The following NDUFAF5 variants were observed in gnomAD, a reference collection of about 807,000 sequenced individuals.
The protein encoded by NDUFAF5 is arginine-hydroxylase NDUFAF5, mitochondrial.
A neutral mutation model predicts 48.9 loss-of-function variants in NDUFAF5; 34 were observed. The ratio of observed to expected loss-of-function variants is 0.70; its 90% CI spans 0.53 to 0.93. The LOEUF (loss-of-function observed/expected upper bound fraction) is 0.93. Ranked by LOEUF, NDUFAF5 falls within the 40% of genes least tolerant of loss-of-function variation. NDUFAF5 has a pLI of 0.00. For missense variants in NDUFAF5, 428 were observed against 427.5 expected (o/e 1.00, Z -0.01); for synonymous variants, 153 against 150.6 (o/e 1.02, Z -0.12).
chr20:13,788,910 A>G (rs1469611022), intron 3 of NDUFAF5, among the ~76,000 whole-genome samples: 1 of 152,052 alleles, frequency 6.6e-6, no homozygotes, highest in African/African-American at 2.4e-5. Context: ...TAGAAGATAT[A>G]TTTCTCTTTG....
At position 13,785,286 on chromosome 20, in the gene NDUFAF5, A is replaced by T; in HGVS notation, c.218A>T (p.Glu73Val). 1 of 1,523,478 alleles carries T rather than the reference A, an allele frequency of 6.6e-7. No individual in the cohort carries two copies. The highest frequency in any genetic ancestry group is 9.0e-7 in the Non-Finnish European group (1 of 1,105,640). 94.4% of individuals were successfully genotyped at this position (1,523,478 alleles called of 1,614,324 possible). A position where few individuals can be genotyped will look rare whatever the true frequency, so the allele number is the denominator to read the frequency against. ...CCGACCAAATTTGACTACCTGAAGG[A>T]GGAGGTGAGCCCGCGGGGCGGCGGG... ...PEPTKFDYLK[E>V]EVGSRIADRV... Residue 73 changes from glutamate (E) to valine (V), a missense_variant, in exon 1 of 11, where the codon GAG (glutamate) becomes GTG (valine). Transcript: ENST00000378106.
intron 7 of NDUFAF5, among the ~76,000 whole-genome samples, chr20:13,804,488 C>T (rs1984705022): frequency 6.6e-6 from 1 of 151,512 alleles, no homozygotes; most frequent in South Asian, 2.1e-4. Flanking sequence ...ATTTCTGAAA[C>T]TTTTTTTATT....
rs192045624 is a variant in NDUFAF5 at position 13,821,236 on chromosome 20, C to T, written c.*4026C>T. 2.0e-5 allele frequency: 3 copies of T among 152,314 alleles called. No individual in the cohort carries two copies. Among genetic ancestry groups the T allele is most frequent in the African/African-American group, 7.2e-5 (3 of 41,552 alleles). 9.4% of individuals were successfully genotyped at this position (152,314 alleles called of 1,614,324 possible). On this transcript the variant is annotated 3_prime_UTR_variant, in exon 11 of 11. Coordinates refer to ENST00000378106, the MANE Select transcript of NDUFAF5 (RefSeq NM_024120.5). ...CAGGCTGAGTTTAGTGATTCCCTTC[C>T]AACAAATAGATGGTGTGTCACTTCT...
chr20:13,817,311 T>A lies in NDUFAF5; in HGVS notation c.*101T>A. On this transcript the variant is annotated 3_prime_UTR_variant, in exon 11 of 11. Coordinates refer to ENST00000378106, the MANE Select transcript of NDUFAF5 (RefSeq NM_024120.5). Reference sequence around the variant, plus strand: ...TTGAAGCAAGAAGCACTCTAAGCTATTTACTAATAGGCTTTTCATATAATT... The same window carrying A: ...TTGAAGCAAGAAGCACTCTAAGCTAATTACTAATAGGCTTTTCATATAATT... 1 of 913,580 alleles carries A rather than the reference T, an allele frequency of 1.1e-6. No individual in the cohort carries two copies. The highest frequency in any genetic ancestry group is 1.8e-6 in the Non-Finnish European group (1 of 543,792). 56.6% of individuals were successfully genotyped at this position (913,580 alleles called of 1,614,324 possible). A position where few individuals can be genotyped will look rare whatever the true frequency, so the allele number is the denominator to read the frequency against.
chr20:13,790,886 T>C (rs1360977915), intron 3 of NDUFAF5, among the ~76,000 whole-genome samples: 1 of 152,186 alleles, frequency 6.6e-6, no homozygotes, highest in East Asian at 1.9e-4. Context: ...CTTTAGAAAA[T>C]AGTGCCCCTG....
chr20:13,796,233 T>G (rs929294533), intron 5 of NDUFAF5, among the ~76,000 whole-genome samples: 1 of 152,228 alleles, frequency 6.6e-6, no homozygotes, highest in South Asian at 2.1e-4. Flanking sequence ...TGATGTTTTC[T>G]TTCGTGAGTG....
intron 8 of NDUFAF5, among the ~76,000 whole-genome samples, chr20:13,814,819 A>G (rs1423034998): frequency 6.6e-6 from 1 of 152,194 alleles, no homozygotes; most frequent in African/African-American, 2.4e-5. Flanking sequence ...GCCCCAGGTT[A>G]TATAAGAGTT....
Position 13,819,785 on chromosome 20 carries a change from T to C in NDUFAF5, c.*2575T>C, listed in dbSNP as rs1039470897. ...GGTTTTGTGTCTTTTCCAGCACTTTTCTTACTTGCTGTCAGTTGTCAATCT... is the reference window on the plus strand; with the variant it reads ...GGTTTTGTGTCTTTTCCAGCACTTTCCTTACTTGCTGTCAGTTGTCAATCT... On this transcript the variant is annotated 3_prime_UTR_variant, in exon 11 of 11. Transcript: ENST00000378106. 6.6e-6 allele frequency: 1 copy of C among 152,268 alleles called. No individual in the cohort carries two copies. The highest frequency in any genetic ancestry group is 1.5e-5 in the Non-Finnish European group (1 of 68,060). 9.4% of individuals were successfully genotyped at this position (152,268 alleles called of 1,614,324 possible).
At chr20:13,805,873 G>T (rs536160918) in intron 7 of NDUFAF5, among the ~76,000 whole-genome samples, 2 of 152,206 alleles carry the variant, frequency 1.3e-5, no homozygotes, top group African/African-American at 4.8e-5. Flanking sequence ...GCTGCAGTGA[G>T]CCATGATCTC....
At chr20:13,803,242 TGAAGA>T (rs576104918) in intron 7 of NDUFAF5, 34 of 152,320 alleles carry the variant, frequency 2.2e-4, no homozygotes, top group African/African-American at 7.7e-4. Flanking sequence ...GGCTGGGAAC[TGAAGA>T]GAACCCCGGA....
chr20:13,808,779 T>C (rs1985436773), intron 7 of NDUFAF5, 63 bp from the exon 8 acceptor site: 3 of 1,186,202 alleles, frequency 2.5e-6, no homozygotes, highest in East Asian at 2.3e-5. Context: ...TGCGGCCTCT[T>C]TTTTAAATCT....
At chr20:13,797,517 T>G (rs1404814085) in intron 5 of NDUFAF5, among the ~76,000 whole-genome samples, 1 of 152,174 alleles carries the variant, frequency 6.6e-6, no homozygotes, top group Non-Finnish European at 1.5e-5. Flanking sequence ...ATTCCAACTG[T>G]GACAATCTGG....
chr20:13,801,582 A>G lies in NDUFAF5; in HGVS notation c.616A>G (p.Thr206Ala), dbSNP rs372027146. Residue 206 changes from threonine (T) to alanine (A), a missense_variant, in exon 7 of 11, where the codon ACG becomes GCG. Physicochemically the swap from Thr to Ala is moderately conservative, Grantham distance 58 (BLOSUM62 0). Transcript: ENST00000378106. ...ELRCSLQLAE[T>A]EREGGFSPHI... is the part of the protein sequence containing the mutation. The stretch of plus-strand genomic sequence containing the variant: ...TCGGTGTTCCTTACAGTTAGCGGAA[A>G]CGGAAAGGGAAGGAGGATTTTCTCC... 48 of 1,614,098 alleles carry G rather than the reference A, an allele frequency of 3.0e-5. No individual in the cohort carries two copies. The highest frequency in any genetic ancestry group is 3.8e-5 in the Non-Finnish European group (45 of 1,179,990).
chr20:13,809,706 A>G (rs1405005293), intron 8 of NDUFAF5, among the ~76,000 whole-genome samples: 1 of 152,226 alleles, frequency 6.6e-6, no homozygotes, highest in Non-Finnish European at 1.5e-5. Flanking sequence ...AAAAGAGTAG[A>G]TTGGCAGATA....
In NDUFAF5 at chr20:13,819,208, T is replaced by A. The variant is rs1986812734; in HGVS notation, c.*1998T>A. On this transcript the variant is annotated 3_prime_UTR_variant, in exon 11 of 11. Coordinates refer to ENST00000378106, the MANE Select transcript of NDUFAF5 (RefSeq NM_024120.5). ...TTATTGTTTGGAGCCCTCAGGAAAC[T>A]AATTTTTCTGAATAACCACATTTTC... 6.6e-6 allele frequency: 1 copy of A among 152,208 alleles called. No individual in the cohort carries two copies. The highest frequency in any genetic ancestry group is 2.4e-5 in the African/African-American group (1 of 41,448). 9.4% of individuals were successfully genotyped at this position (152,208 alleles called of 1,614,324 possible). A position where few individuals can be genotyped will look rare whatever the true frequency, so the allele number is the denominator to read the frequency against.
intron 5 of NDUFAF5, 146 bp from the exon 6 acceptor site, chr20:13,798,315 C>T (rs1983561872): frequency 1.5e-6 from 1 of 687,864 alleles, no homozygotes; most frequent in Non-Finnish European, 2.6e-6. Flanking sequence ...ATTTTAAAAC[C>T]TGTATGAAAA....
chr20:13,791,002 C>T (rs1323597706), intron 3 of NDUFAF5, among the ~76,000 whole-genome samples: 3 of 152,174 alleles, frequency 2.0e-5, no homozygotes, highest in Non-Finnish European at 4.4e-5. Context: ...CATTTTTGAT[C>T]ACTACTAAAT....
intron 3 of NDUFAF5, among the ~76,000 whole-genome samples, chr20:13,791,889 C>G (rs970928910): frequency 2.0e-5 from 3 of 152,186 alleles, no homozygotes; most frequent in African/African-American, 7.2e-5. Context: ...GTAGCTGAAG[C>G]TAGCTTAGGC....
At chr20:13,804,245 A>G (rs928641027) in intron 7 of NDUFAF5, among the ~76,000 whole-genome samples, 4 of 152,154 alleles carry the variant, frequency 2.6e-5, no homozygotes, top group African/African-American at 9.7e-5. Context: ...CTCTAAAATA[A>G]CCCATCGTAG....
Sources: gnomAD v4.1 joint callset for allele counts (sites outside exome capture counted in the v4.1 genomes callset) on GRCh38, gnomAD v4.1.1 for gene constraint, MANE v1.5 for transcripts, NCBI Gene and HGNC (gene_info 2026-07-23, HGNC 2026-07-21) for gene names.